KDM4C: variants seen among roughly 807,000 people sequenced by gnomAD.
KDM4C encodes lysine-specific demethylase 4C.
In KDM4C, 81 loss-of-function variants were observed where a neutral mutation model predicts 129.3. The observed-to-expected ratio is 0.63, with a 90% CI of 0.52 to 0.75. The LOEUF is 0.75. Among genes scored for constraint, KDM4C ranks in the 30% least tolerant of loss-of-function variants. KDM4C has a pLI of 0.00. For synonymous variants in KDM4C, 573 were observed against 456.1 expected (o/e 1.26, Z -3.26); for missense variants, 1,457 against 1,304.0 (o/e 1.12, Z -1.81).
At position 6,882,586 on chromosome 9, in the gene KDM4C, G is replaced by A. The variant is rs140120790; in HGVS notation, c.679+2525G>A. Among the ~76,000 whole-genome samples the A allele has an allele frequency of 2.0e-4, 31 of 152,318 alleles. No individual in the cohort carries two copies. The East Asian group carries it at 6.0e-3, about 29-fold the overall frequency. On this transcript the variant is annotated intron_variant, in intron 6 of 21. Coordinates refer to ENST00000381309, the MANE Select transcript of KDM4C (RefSeq NM_015061.6). ...ACTTTGTGCAGCCAGTTTTGAAAGT[G>A]TGAACAATTAGGAGGAAACTTATTT...
At chr9:6,722,638 C>T (rs1025893167) in intron 1 of KDM4C, among the ~76,000 whole-genome samples, 9 of 151,790 alleles carry the variant, frequency 5.9e-5, no homozygotes, top group East Asian at 5.8e-4. Context: ...CTCAGGCTCC[C>T]GAGTAGCTGC....
chr9:7,001,608 C>G (rs112886382), intron 12 of KDM4C, among the ~76,000 whole-genome samples: 3 of 152,324 alleles, frequency 2.0e-5, no homozygotes, highest in African/African-American at 7.2e-5. Context: ...GATGGCCACC[C>G]TACTTGAAGT....
chr9:7,148,220 C>T (rs894774773), intron 19 of KDM4C, among the ~76,000 whole-genome samples: 2 of 152,230 alleles, frequency 1.3e-5, no homozygotes, highest in African/African-American at 4.8e-5. Flanking sequence ...GTGCAGAGCC[C>T]CAGAGAGGAT....
At chr9:6,811,266 G>A (rs568349151) in intron 3 of KDM4C, among the ~76,000 whole-genome samples, 1 of 152,034 alleles carries the variant, frequency 6.6e-6, no homozygotes, top group Non-Finnish European at 1.5e-5. Context: ...TGATTCTCCT[G>A]CCTCAGCCTC....
chr9:7,066,301 C>G (rs916632379), intron 17 of KDM4C, among the ~76,000 whole-genome samples: 17 of 152,234 alleles, frequency 1.1e-4, no homozygotes, highest in Non-Finnish European at 2.4e-4. Flanking sequence ...TGGTATCCCC[C>G]TCTCCACCCC....
chr9:7,051,174 C>G (rs1830105039), intron 17 of KDM4C, among the ~76,000 whole-genome samples: 1 of 152,080 alleles, frequency 6.6e-6, no homozygotes, highest in South Asian at 2.1e-4. Context: ...TAGAATGATC[C>G]TCATCAAAAT....
intron 8 of KDM4C, among the ~76,000 whole-genome samples, chr9:6,963,034 G>C (rs1246224650): frequency 2.0e-5 from 3 of 152,290 alleles, no homozygotes; most frequent in South Asian, 4.1e-4. Context: ...TCTTGGGTTT[G>C]AATCTTGTGT....
At position 7,015,942 on chromosome 9, in the gene KDM4C, T is replaced by C. The variant is rs375104117; in HGVS notation, c.2259+13T>C. ...TGCGTGGACAGCAGTAAGTAGCTTA[T>C]TTTAGTATTGCTTAACCTTTCTTCC... On this transcript the variant is annotated intron_variant, in intron 15 of 21. Coordinates refer to ENST00000381309, the MANE Select transcript of KDM4C (RefSeq NM_015061.6). The C allele has an allele frequency of 1.4e-5, 23 of 1,591,934 alleles. No homozygotes were observed. Among genetic ancestry groups the C allele is most frequent in the Non-Finnish European group, 1.9e-5 (22 of 1,160,684 alleles).
In KDM4C at chr9:7,165,463, C is replaced by A. The variant is rs1201441121; in HGVS notation, c.2901+106C>A. ...AACAATAAGCCACATGAATTTGGGA[C>A]ACCTCTTATTTTATGCAGGAGGCAA... is the stretch of plus-strand genomic sequence containing the variant. On this transcript the variant is annotated intron_variant, in intron 20 of 21. Coordinates refer to ENST00000381309, the MANE Select transcript of KDM4C (RefSeq NM_015061.6). The A allele has an allele frequency of 7.8e-6, 10 of 1,289,842 alleles. No homozygotes were observed. In the Admixed American group the frequency reaches 1.5e-4, roughly 19 times the overall value. The allele number at this position is 1,289,842 out of a possible 1,614,324, so 79.9% of individuals were successfully genotyped here. A position where few individuals can be genotyped will look rare whatever the true frequency, so the allele number is the denominator to read the frequency against.
chr9:6,791,873 T>C (rs567147874), intron 1 of KDM4C, among the ~76,000 whole-genome samples: 1 of 151,594 alleles, frequency 6.6e-6, no homozygotes, highest in East Asian at 2.0e-4. Context: ...AAATACAAAA[T>C]TACCTGGGTG....
At chr9:6,921,834 C>A (rs1447129497) in intron 8 of KDM4C, among the ~76,000 whole-genome samples, 1 of 152,122 alleles carries the variant, frequency 6.6e-6, no homozygotes, top group East Asian at 1.9e-4. Context: ...TGACCCTTGC[C>A]CACTCTGTAC....
intron 19 of KDM4C, among the ~76,000 whole-genome samples, chr9:7,130,466 T>G (rs1356957009): frequency 6.6e-6 from 1 of 152,222 alleles, no homozygotes; most frequent in African/African-American, 2.4e-5. Flanking sequence ...AGAACAAATA[T>G]GATTTTAAGT....
At chr9:6,999,741 T>G (rs1230065994) in intron 12 of KDM4C, among the ~76,000 whole-genome samples, 1 of 94,802 alleles carries the variant, frequency 1.1e-5, no homozygotes, top group Non-Finnish European at 2.1e-5. Flanking sequence ...TGCTTTAGGG[T>G]AGGCAGGCTG....
chr9:6,785,069 C>G (rs372663481), intron 1 of KDM4C, among the ~76,000 whole-genome samples: 23 of 152,264 alleles, frequency 1.5e-4, no homozygotes, highest in African/African-American at 5.5e-4. Context: ...TTACCTAGGG[C>G]TAATGTAACT....
intron 4 of KDM4C, chr9:6,834,843 C>T: frequency 7.3e-7 from 1 of 1,378,460 alleles, no homozygotes; most frequent in Non-Finnish European, 1.0e-6. Flanking sequence ...TTCATCACCC[C>T]AGCCATGTAC....
At chr9:6,854,543 A>AT (rs1839450639) in intron 5 of KDM4C, among the ~76,000 whole-genome samples, 1 of 145,948 alleles carries the variant, frequency 6.9e-6, no homozygotes, top group African/African-American at 2.7e-5. Flanking sequence ...AAAAAAAAAA[A>AT]AACAAAAAAA....
At chr9:7,108,535 C>G (rs1222273625) in intron 18 of KDM4C, among the ~76,000 whole-genome samples, 3 of 152,208 alleles carry the variant, frequency 2.0e-5, no homozygotes, top group Admixed American at 2.0e-4. Context: ...CTGCGCCCAG[C>G]CTGAATGCTT....
At chr9:7,086,908 A>G (rs1835184764) in intron 17 of KDM4C, among the ~76,000 whole-genome samples, 1 of 152,126 alleles carries the variant, frequency 6.6e-6, no homozygotes, top group South Asian at 2.1e-4. Context: ...TGGGGCAGAC[A>G]GTTGGTCTTT....
At chr9:7,127,651 G>C (rs1840163824) in intron 18 of KDM4C, among the ~76,000 whole-genome samples, 1 of 152,182 alleles carries the variant, frequency 6.6e-6, no homozygotes, top group Non-Finnish European at 1.5e-5. Context: ...TAGGGAAGGT[G>C]AATACCATAA....
Sources: gnomAD v4.1 joint callset for allele counts (sites outside exome capture counted in the v4.1 genomes callset) on GRCh38, gnomAD v4.1.1 for gene constraint, MANE v1.5 for transcripts, NCBI Gene and HGNC (gene_info 2026-07-23, HGNC 2026-07-21) for gene names.